The following CCBE1 variants were observed in gnomAD, a reference collection of about 807,000 sequenced individuals.
CCBE1 encodes collagen and calcium-binding EGF domain-containing protein 1.
In CCBE1, 37 loss-of-function variants were observed where a neutral mutation model predicts 50.0. The ratio of observed to expected loss-of-function variants is 0.74; its 90% CI spans 0.57 to 0.97. The LOEUF is 0.97. Ranked by LOEUF, CCBE1 falls within the 50% of genes least tolerant of loss-of-function variation. The pLI is 0.00. For missense variants in CCBE1, 538 were observed against 523.8 expected (o/e 1.03, Z -0.26); for synonymous variants, 234 against 203.7 (o/e 1.15, Z -1.27).
At chr18:59,643,865 T>C (rs910747194) in intron 2 of CCBE1, among the ~76,000 whole-genome samples, 1 of 152,136 alleles carries the variant, frequency 6.6e-6, no homozygotes, top group African/African-American at 2.4e-5. Flanking sequence ...GTTTCGAAAC[T>C]GCAGTCTTCT....
At chr18:59,671,821 A>AAG (rs1555706970) in intron 2 of CCBE1, among the ~76,000 whole-genome samples, 31,818 of 138,550 alleles carry the variant, frequency 0.23, 3,933 homozygotes, top group Non-Finnish European at 0.3. Flanking sequence ...TTAAAAAAAA[A>AAG]GGGGGGGGGT....
chr18:59,670,285 T>C (rs2054414478), intron 2 of CCBE1, among the ~76,000 whole-genome samples: 1 of 152,050 alleles, frequency 6.6e-6, no homozygotes, highest in African/African-American at 2.4e-5. Context: ...ACTAAAGAAA[T>C]GGACACTCTT....
intron 2 of CCBE1, among the ~76,000 whole-genome samples, chr18:59,643,466 C>G (rs2054016417): frequency 6.6e-6 from 1 of 152,132 alleles, no homozygotes; most frequent in African/African-American, 2.4e-5. Flanking sequence ...GGAAGGTGTT[C>G]TTTGTTCAAG....
chr18:59,440,465 T>C (rs1367340208), intron 7 of CCBE1, among the ~76,000 whole-genome samples: 2 of 152,200 alleles, frequency 1.3e-5, no homozygotes, highest in Non-Finnish European at 2.9e-5. Context: ...TCTTGCCTCA[T>C]TGCTAGTCTT....
chr18:59,547,024 T>TGGGAGAGAGAAAGAGAGGGGGAGAGAGG (rs1915711918), intron 2 of CCBE1, among the ~76,000 whole-genome samples: 1 of 97,694 alleles, frequency 1.0e-5, no homozygotes, highest in Non-Finnish European at 1.9e-5. Context: ...GTTAGAGGAA[T>TGGGAGAGAGAAAGAGAGGGGGAGAGAGG]GGGAGAGAGA....
At chr18:59,695,489 C>A (rs2054793510) in intron 2 of CCBE1, among the ~76,000 whole-genome samples, 1 of 152,168 alleles carries the variant, frequency 6.6e-6, no homozygotes, top group African/African-American at 2.4e-5. Flanking sequence ...ACTTGATTTG[C>A]CTGATTATTG....
intron 7 of CCBE1, among the ~76,000 whole-genome samples, chr18:59,441,900 A>G (rs1467842350): frequency 1.3e-5 from 2 of 152,214 alleles, no homozygotes; most frequent in African/African-American, 4.8e-5. Context: ...GTCCAAGGAG[A>G]AAAAGAAAAC....
At chr18:59,629,924 A>G (rs1343810540) in intron 2 of CCBE1, among the ~76,000 whole-genome samples, 2 of 152,134 alleles carry the variant, frequency 1.3e-5, no homozygotes, top group African/African-American at 2.4e-5. Flanking sequence ...CTGCGTGACC[A>G]TTTATTAGCA....
At chr18:59,507,748 A>T (rs1913941157) in intron 2 of CCBE1, among the ~76,000 whole-genome samples, 1 of 152,190 alleles carries the variant, frequency 6.6e-6, no homozygotes, top group South Asian at 2.1e-4. Context: ...CTCACCTTCT[A>T]ACAATATATG....
At chr18:59,526,811 T>C (rs1299199750) in intron 2 of CCBE1, among the ~76,000 whole-genome samples, 4 of 152,272 alleles carry the variant, frequency 2.6e-5, no homozygotes, top group African/African-American at 9.6e-5. Context: ...CCACTTAGTT[T>C]TGTGGTTTTG....
Position 59,562,649 on chromosome 18 carries a change from A to G in CCBE1, c.213-82411T>C, listed in dbSNP as rs116043211. On this transcript the variant is annotated intron_variant, in intron 2 of 10. Transcript: ENST00000439986. ...GGTGTTTTTCCCATCCACACAGTAC[A>G]CTTTTGTTACCTGTTACTCCCTGGC... 9.2e-3 allele frequency among the ~76,000 whole-genome samples: 1,401 copies of G among 152,264 alleles called. 16 individuals are homozygous for G. The highest frequency in any genetic ancestry group is 0.032 in the African/African-American group (1,339 of 41,542).
At chr18:59,628,890 A>T (rs2053819423) in intron 2 of CCBE1, among the ~76,000 whole-genome samples, 1 of 152,200 alleles carries the variant, frequency 6.6e-6, no homozygotes, top group African/African-American at 2.4e-5. Flanking sequence ...AAGTCCTATT[A>T]GTACCACTTT....
At chr18:59,659,841 C>T (rs1001200021) in intron 2 of CCBE1, among the ~76,000 whole-genome samples, 3 of 152,208 alleles carry the variant, frequency 2.0e-5, no homozygotes, top group Non-Finnish European at 4.4e-5. Flanking sequence ...CCTGGACCCC[C>T]GTTTGCTCAT....
At chr18:59,508,929 G>T (rs1914010293) in intron 2 of CCBE1, among the ~76,000 whole-genome samples, 1 of 151,988 alleles carries the variant, frequency 6.6e-6, no homozygotes. Flanking sequence ...TTATATTCAA[G>T]GCCAATAAGT....
chr18:59,524,219 C>T (rs1914722656), intron 2 of CCBE1, among the ~76,000 whole-genome samples: 1 of 152,130 alleles, frequency 6.6e-6, no homozygotes, highest in South Asian at 2.1e-4. Context: ...ACTAGGGAGG[C>T]TGAAGCAGGA....
chr18:59,542,237 C>T (rs1376751896), intron 2 of CCBE1, among the ~76,000 whole-genome samples: 1 of 127,002 alleles, frequency 7.9e-6, no homozygotes, highest in East Asian at 2.1e-4. Context: ...TTTCTCAGTG[C>T]TGCCTGGGTG....
Position 59,509,066 on chromosome 18 carries a change from T to C in CCBE1, c.213-28828A>G, listed in dbSNP as rs558862591. Among the ~76,000 whole-genome samples the C allele has an allele frequency of 3.3e-5, 5 of 152,320 alleles. No individual in the cohort carries two copies. The South Asian group carries it at 8.3e-4, about 25-fold the overall frequency. ...CATTTTTACTTAATCATGCTGGTTC[T>C]GAGAGCAAGCAGAAATAAGCTTTGA... On this transcript the variant is annotated intron_variant, in intron 2 of 10. Coordinates refer to ENST00000439986, the MANE Select transcript of CCBE1 (RefSeq NM_133459.4).
intron 2 of CCBE1, among the ~76,000 whole-genome samples, chr18:59,485,861 A>T (rs556506387): frequency 4.8e-4 from 72 of 150,610 alleles, no homozygotes; most frequent in African/African-American, 1.7e-3. Context: ...TCGGCCTCCC[A>T]AAGTGCTAGG....
rs190695895 is a variant in CCBE1 at position 59,604,253 on chromosome 18, G to A, written c.212+92376C>T. Among the ~76,000 whole-genome samples, 202 of 152,308 alleles carry A rather than the reference G, an allele frequency of 1.3e-3. No individual in the cohort carries two copies. In the Middle Eastern group the frequency reaches 0.014, roughly 10 times the overall value. ...AAGCAGCATGCTACCCTCTTCATAG[G>A]TTCAAGACAAGACACAGAGGTTTGG... On this transcript the variant is annotated intron_variant, in intron 2 of 10. Transcript: ENST00000439986.
Sources: gnomAD v4.1 joint callset for allele counts (sites outside exome capture counted in the v4.1 genomes callset) on GRCh38, gnomAD v4.1.1 for gene constraint, MANE v1.5 for transcripts, NCBI Gene and HGNC (gene_info 2026-07-23, HGNC 2026-07-21) for gene names.